ZC3H12B: variants seen among roughly 807,000 people sequenced by gnomAD.
ZC3H12B encodes probable ribonuclease ZC3H12B.
A neutral mutation model predicts 43.9 loss-of-function variants in ZC3H12B; 7 were observed. The ratio of observed to expected loss-of-function variants is 0.16; its 90% CI spans 0.09 to 0.30. The LOEUF (loss-of-function observed/expected upper bound fraction) is 0.30, where lower values mean the gene tolerates loss of function less well. ZC3H12B is among the 10% of genes least tolerant of loss of function. The probability of loss-of-function intolerance (pLI) is 1.00; values close to 1 mark genes in which losing one functional copy is unlikely to be tolerated. For missense variants in ZC3H12B, 475 were observed against 670.2 expected, an observed-to-expected ratio of 0.71 and a Z score of 3.22; for synonymous variants, 222 against 241.7, an observed-to-expected ratio of 0.92 and a Z score of 0.76.
chrX:65,171,634 C>A, the ZC3H12B span, among the ~76,000 whole-genome samples: 1 of 111,338 alleles, frequency 9.0e-6, no homozygotes, highest in African/African-American at 3.3e-5. Flanking sequence ...TGCTGTGCCC[C>A]CAGAGGTGGA....
chrX:65,059,170 C>G, the ZC3H12B span, among the ~76,000 whole-genome samples: 1 of 108,762 alleles, frequency 9.2e-6, no homozygotes, highest in East Asian at 2.9e-4. Context: ...GCGTCGCTCA[C>G]GCTGGGAGCT....
chrX:65,293,981 T>C, the ZC3H12B span, among the ~76,000 whole-genome samples: 1 of 111,580 alleles, frequency 9.0e-6, no homozygotes, highest in Non-Finnish European at 1.9e-5. Context: ...GATCTAGACA[T>C]CTAAGTACAA....
At chrX:65,374,130 TG>T (rs1442254793) in intron 2 of ZC3H12B, among the ~76,000 whole-genome samples, 3 of 69,102 alleles carry the variant, frequency 4.3e-5, no homozygotes, top group Non-Finnish European at 6.9e-5. Context: ...CTATATATAG[TG>T]TATATATAAC....
chrX:65,064,117 C>T, the ZC3H12B span, among the ~76,000 whole-genome samples: 1 of 111,345 alleles, frequency 9.0e-6, no homozygotes, highest in Non-Finnish European at 1.9e-5. Context: ...CTGGATTTAT[C>T]GAGTTTTTGA....
the ZC3H12B span, chrX:65,357,093 CA>C: frequency 7.7e-5 from 41 of 533,221 alleles, no homozygotes; most frequent in Non-Finnish European, 1.3e-4. Context: ...CTGCCCACCA[CA>C]AGCTCCAAAG....
chrX:65,136,545 G>A, the ZC3H12B span, among the ~76,000 whole-genome samples: 2 of 111,150 alleles, frequency 1.8e-5, no homozygotes, highest in African/African-American at 6.5e-5. Context: ...TTTCTGTGGT[G>A]TTTTGCTAAA....
intron 3 of ZC3H12B, among the ~76,000 whole-genome samples, chrX:65,442,611 A>G (rs1291580582): frequency 3.6e-5 from 4 of 111,742 alleles, no homozygotes; most frequent in Non-Finnish European, 7.5e-5. Context: ...TCTGCCCACC[A>G]AGTTTTAAAT....
At chrX:65,131,189 G>A in the ZC3H12B span, among the ~76,000 whole-genome samples, 2 of 111,745 alleles carry the variant, frequency 1.8e-5, no homozygotes, top group East Asian at 5.6e-4. Context: ...CAGAGTGGTA[G>A]CCTCAATGAT....
chrX:65,181,500 A>G, the ZC3H12B span, among the ~76,000 whole-genome samples: 1 of 111,760 alleles, frequency 8.9e-6, no homozygotes, highest in African/African-American at 3.2e-5. Context: ...TTTGCAATCT[A>G]TCCATCTGAA....
chrX:65,451,464 G>T (rs776494641), intron 3 of ZC3H12B, among the ~76,000 whole-genome samples: 88 of 110,624 alleles, frequency 8.0e-4, no homozygotes, highest in African/African-American at 2.7e-3. Flanking sequence ...ATTGGGCTAT[G>T]TTTCTCTGTT....
the ZC3H12B span, among the ~76,000 whole-genome samples, chrX:65,162,323 G>T: frequency 8.9e-6 from 1 of 111,853 alleles, no homozygotes; most frequent in Non-Finnish European, 1.9e-5. Context: ...TGCCTTGCTA[G>T]ATTGGGCAAG....
the ZC3H12B span, among the ~76,000 whole-genome samples, chrX:65,202,854 G>T: frequency 2.7e-5 from 3 of 110,810 alleles, no homozygotes; most frequent in Non-Finnish European, 5.7e-5. Flanking sequence ...CCCCAACCCT[G>T]GGAAGGTCTA....
chrX:65,316,640 T>C, the ZC3H12B span, among the ~76,000 whole-genome samples: 7 of 111,546 alleles, frequency 6.3e-5, 1 homozygote, highest in Admixed American at 6.7e-4. Flanking sequence ...AATAAAGTCC[T>C]TGAGAGTGCT....
intron 3 of ZC3H12B, among the ~76,000 whole-genome samples, chrX:65,454,324 G>A (rs939155922): frequency 3.6e-5 from 4 of 112,529 alleles, no homozygotes; most frequent in African/African-American, 1.3e-4. Context: ...AGCACACCAG[G>A]AGATTATATC....
chrX:65,245,183 A>G, the ZC3H12B span, among the ~76,000 whole-genome samples: 1 of 111,830 alleles, frequency 8.9e-6, no homozygotes, highest in Non-Finnish European at 1.9e-5. Flanking sequence ...ACCTCCCAAG[A>G]CTAAACCAGG....
chrX:65,394,756 T>C (rs755462588), intron 2 of ZC3H12B, among the ~76,000 whole-genome samples: 5 of 112,154 alleles, frequency 4.5e-5, no homozygotes, highest in Non-Finnish European at 9.4e-5. Flanking sequence ...AATGGTAGCT[T>C]GATGGAAATA....
intron 3 of ZC3H12B, among the ~76,000 whole-genome samples, chrX:65,434,763 G>A (rs768757320): frequency 1.4e-4 from 15 of 111,071 alleles, no homozygotes; most frequent in Admixed American, 1.3e-3. Flanking sequence ...AGGGTAGTGG[G>A]TGAGTCCTGA....
At chrX:65,458,062 TAAAAA>T (rs56840636) in intron 3 of ZC3H12B, among the ~76,000 whole-genome samples, 23 of 15,865 alleles carry the variant, frequency 1.4e-3, no homozygotes, top group African/African-American at 5.5e-3. Context: ...GAATGATCAA[TAAAAA>T]AAAAAAAAAA....
chrX:65,478,416 A>T (rs2068023741), intron 3 of ZC3H12B, among the ~76,000 whole-genome samples: 1 of 111,713 alleles, frequency 9.0e-6, no homozygotes, highest in Non-Finnish European at 1.9e-5. Flanking sequence ...ATATCTCATA[A>T]TTTTTTTGTT....
Sources: allele counts gnomAD v4.1 joint callset (sites outside exome capture counted in the v4.1 genomes callset), GRCh38; gene constraint gnomAD v4.1.1; transcripts MANE v1.5; gene names NCBI Gene and HGNC (gene_info 2026-07-23, HGNC 2026-07-21).